Variants in MEAK7 observed in about 807,000 individuals in gnomAD.
MEAK7 encodes the protein MTOR-associated protein MEAK7.
Under a neutral mutation model 40.5 loss-of-function variants are expected in MEAK7, and 68 were observed. The observed-to-expected ratio is 1.68, with a 90% CI of 1.38 to 2.06. The LOEUF is 2.06. MEAK7 is among the 30% of genes most tolerant of loss of function. The pLI, the probability that MEAK7 is intolerant of heterozygous loss-of-function variation, is 0.00. For missense variants in MEAK7, 918 were observed against 580.5 expected, an observed-to-expected ratio of 1.58 and a Z score of -5.98; for synonymous variants, 338 against 231.9, an observed-to-expected ratio of 1.46 and a Z score of -4.16.
At chr16:84,486,172 C>A (rs1913037389) in intron 5 of MEAK7, 1 of 156,954 alleles carries the variant, frequency 6.4e-6, no homozygotes, top group South Asian at 1.9e-4. Context: ...GAGTATTCTT[C>A]CTTGAGGGAA....
intron 1 of MEAK7, among the ~76,000 whole-genome samples, chr16:84,502,542 AC>A (rs1463163230): frequency 6.6e-6 from 1 of 152,030 alleles, no homozygotes; most frequent in East Asian, 1.9e-4. Context: ...AGAAGAGGCC[AC>A]CCCATGTACC....
At chr16:84,482,453 C>A (rs1463106126) in intron 6 of MEAK7, 139 bp downstream of exon 6, 3 of 1,413,320 alleles carry the variant, frequency 2.1e-6, no homozygotes, top group Non-Finnish European at 2.9e-6. Context: ...GCCCTGGAAA[C>A]AGAAGGAACT....
intron 3 of MEAK7, among the ~76,000 whole-genome samples, chr16:84,492,738 C>T (rs1043685759): frequency 6.6e-5 from 10 of 152,178 alleles, no homozygotes; most frequent in South Asian, 4.1e-4. Context: ...TGTGCCACCA[C>T]GCCTGGCCAA....
chr16:84,504,501 G>A (rs1914740098), intron 1 of MEAK7, 100 bp downstream of exon 1: 1 of 764,704 alleles, frequency 1.3e-6, no homozygotes, highest in Non-Finnish European at 1.6e-6. Flanking sequence ...GGGAGGGGCA[G>A]GGCCCAGGCC....
intron 2 of MEAK7, chr16:84,497,707 G>A (rs1567504456): frequency 4.2e-6 from 6 of 1,417,458 alleles, no homozygotes; most frequent in South Asian, 2.5e-5. Flanking sequence ...TTTAGACACT[G>A]TCTATGGCTA....
At position 84,476,898 on chromosome 16, in the gene MEAK7, C is replaced by G. The variant is rs1432066968; in HGVS notation, c.*3015G>C. The G allele has an allele frequency of 6.6e-6, 1 of 152,100 alleles. No homozygotes were observed. Among genetic ancestry groups the G allele is most frequent in the Non-Finnish European group, 1.5e-5 (1 of 68,016 alleles). 9.4% of individuals were successfully genotyped at this position (152,100 alleles called of 1,614,324 possible). A position where few individuals can be genotyped will look rare whatever the true frequency, so the allele number is the denominator to read the frequency against. Reference sequence around the variant, plus strand: ...ATCTTTTTTTTCTAAACCAGGTACACAATTTTTTTTAAACATAGGGTCTTG... The same window carrying G: ...ATCTTTTTTTTCTAAACCAGGTACAGAATTTTTTTTAAACATAGGGTCTTG... On this transcript the variant is annotated 3_prime_UTR_variant, in exon 8 of 8. Coordinates refer to ENST00000343629, the MANE Select transcript of MEAK7 (RefSeq NM_020947.4).
intron 1 of MEAK7, among the ~76,000 whole-genome samples, chr16:84,503,244 T>G (rs1264792278): frequency 6.6e-6 from 1 of 152,200 alleles, no homozygotes; most frequent in African/African-American, 2.4e-5. Flanking sequence ...GCTTATGAAT[T>G]TGTGTTGGAT....
Position 84,479,916 on chromosome 16 carries a change from T to G in MEAK7, c.1368A>C (p.Glu456Asp). 1.3e-6 allele frequency: 2 copies of G among 1,595,024 alleles called. No individual in the cohort carries two copies. The highest frequency in any genetic ancestry group is 2.2e-5 in the South Asian group (2 of 89,756). ...CCAGGAAGGCTCAGGCGGCTCCTCA[T>G]TCATCGTCCGGGACTTCCCGGAGCC... is the stretch of plus-strand genomic sequence containing the variant. ...SEGLREVPDD[E>D] The change falls in exon 8 of 8, where the codon GAA (glutamate) becomes GAC (aspartate). Residue 456 changes from glutamate to aspartate, a missense_variant. Transcript: ENST00000343629.
chr16:84,498,689 T>C (rs1319355711), intron 1 of MEAK7, among the ~76,000 whole-genome samples: 10 of 152,110 alleles, frequency 6.6e-5, no homozygotes, highest in Admixed American at 6.6e-4. Flanking sequence ...AGTCTGGGTT[T>C]GAGAACATAG....
intron 1 of MEAK7, among the ~76,000 whole-genome samples, 174 bp from the exon 2 acceptor site, chr16:84,498,285 C>T (rs1914221860): frequency 6.6e-6 from 1 of 152,102 alleles, no homozygotes; most frequent in African/African-American, 2.4e-5. Context: ...TTTTGTGTTG[C>T]TGAGGTGGGA....
At position 84,487,126 on chromosome 16, in the gene MEAK7, A is replaced by G. The variant is rs1028458616; in HGVS notation, c.530-67T>C. On this transcript the variant is annotated intron_variant, in intron 4 of 7. Transcript: ENST00000343629. ...CACCATTTAGCTACTATCTAAACCC[A>G]CACTGATCAGTGTGGGAGCCACGAG... 14 of 1,496,782 alleles carry G rather than the reference A, an allele frequency of 9.4e-6. No individual in the cohort carries two copies. In the East Asian group the frequency reaches 1.4e-4, roughly 15 times the overall value. The allele number at this position is 1,496,782 out of a possible 1,614,324, so 92.7% of individuals were successfully genotyped here.
intron 3 of MEAK7, among the ~76,000 whole-genome samples, chr16:84,492,470 G>C (rs1442222846): frequency 6.6e-6 from 1 of 151,716 alleles, no homozygotes; most frequent in Non-Finnish European, 1.5e-5. Flanking sequence ...AAAAATAAAG[G>C]TTTTTACCCT....
At chr16:84,482,482 G>C in intron 6 of MEAK7, 110 bp downstream of exon 6, 1 of 1,544,824 alleles carries the variant, frequency 6.5e-7, no homozygotes, top group Non-Finnish European at 8.8e-7. Flanking sequence ...CGTGCGTGAG[G>C]AACTGAATGC....
At chr16:84,504,173 C>A in intron 1 of MEAK7, 1 of 985,446 alleles carries the variant, frequency 1.0e-6, no homozygotes, top group South Asian at 4.7e-5. Context: ...TGGGTGTGGT[C>A]AGAATACAAG....
At chr16:84,499,987 T>G (rs993045483) in intron 1 of MEAK7, 3 of 152,414 alleles carry the variant, frequency 2.0e-5, no homozygotes, top group East Asian at 3.8e-4. Context: ...CAGTGAGCTA[T>G]GATCGTGCCA....
rs1479121577 is a variant in MEAK7, at chr16:84,476,832, G to C, written c.*3081C>G. On this transcript the variant is annotated 3_prime_UTR_variant, in exon 8 of 8. Transcript: ENST00000343629. ...CCTGTCAGGAGGGAAAATAGCTGGA[G>C]AAGAGGCAGGAAGATGACTGACTTT... is the stretch of plus-strand genomic sequence containing the variant. 1.3e-5 allele frequency: 2 copies of C among 152,240 alleles called. No individual in the cohort carries two copies. The allele number at this position is 152,240 out of a possible 1,614,324, so 9.4% of individuals were successfully genotyped here. A position where few individuals can be genotyped will look rare whatever the true frequency, so the allele number is the denominator to read the frequency against.
rs759360216 is a variant in MEAK7 at position 84,482,574 on chromosome 16, C to T, written c.1077+18G>A. ...GGACATCACCAAGGCAAGACCACCA[C>T]GCTCTGCCCGGGCTCACCAGTCCGT... On this transcript the variant is annotated intron_variant, in intron 6 of 7. Transcript: ENST00000343629. The T allele has an allele frequency of 2.8e-5, 45 of 1,613,908 alleles. No homozygotes were observed. In the East Asian group the frequency reaches 3.8e-4, roughly 14 times the overall value.
chr16:84,487,894 G>C (rs939574834), intron 4 of MEAK7: 6 of 152,174 alleles, frequency 3.9e-5, no homozygotes, highest in South Asian at 4.1e-4. Context: ...TTATTACAAG[G>C]AACAGAGGAG....
At chr16:84,482,909 G>A (rs572955452) in intron 5 of MEAK7, among the ~76,000 whole-genome samples, 199 bp from the exon 6 acceptor site, 1 of 152,334 alleles carries the variant, frequency 6.6e-6, no homozygotes, top group African/African-American at 2.4e-5. Context: ...GGATTAGAGG[G>A]ACAGCTAATA....
Sources: gnomAD v4.1 joint callset for allele counts (sites outside exome capture counted in the v4.1 genomes callset) on GRCh38, gnomAD v4.1.1 for gene constraint, MANE v1.5 for transcripts, NCBI Gene and HGNC (gene_info 2026-07-23, HGNC 2026-07-21) for gene names.